The following CAST variants were observed in gnomAD, a reference collection of about 807,000 sequenced individuals.
CAST encodes the protein MIR583 host.
Under a neutral mutation model 119.6 loss-of-function variants are expected in CAST, and 76 were observed. The observed-to-expected ratio is 0.64, with a 90% CI of 0.53 to 0.77. The LOEUF (loss-of-function observed/expected upper bound fraction) is 0.77. CAST is among the 30% of genes least tolerant of loss of function. The probability of loss-of-function intolerance (pLI) is 0.00; values close to 1 mark genes in which losing one functional copy is unlikely to be tolerated. For synonymous variants in CAST, 319 were observed against 331.6 expected, an observed-to-expected ratio of 0.96 and a Z score of 0.41; for missense variants, 953 against 946.5, an observed-to-expected ratio of 1.01 and a Z score of -0.09.
the CAST span, among the ~76,000 whole-genome samples, chr5:96,042,420 T>C: frequency 6.6e-6 from 1 of 152,204 alleles, no homozygotes; most frequent in Admixed American, 6.5e-5. Flanking sequence ...AGAATATCAA[T>C]TGATTTTCAG....
chr5:96,614,498 G>A (rs1315767400), intron 1 of CAST, among the ~76,000 whole-genome samples: 1 of 152,178 alleles, frequency 6.6e-6, no homozygotes, highest in Admixed American at 6.5e-5. Flanking sequence ...TCATCACAGT[G>A]AGTTCAATTT....
intron 2 of CAST, chr5:96,675,840 C>T (rs920707656): frequency 3.0e-5 from 12 of 399,706 alleles, no homozygotes; most frequent in Non-Finnish European, 5.3e-5. Flanking sequence ...AACTTTGTTG[C>T]TTAGGGTGTT....
chr5:96,565,010 T>A (rs1327575387), intron 1 of CAST, among the ~76,000 whole-genome samples: 3 of 151,984 alleles, frequency 2.0e-5, no homozygotes, highest in African/African-American at 4.8e-5. Context: ...ACTTTTTTAA[T>A]TAAAATTCTA....
the CAST span, chr5:96,433,096 GAT>G: frequency 6.4e-7 from 1 of 1,557,916 alleles, no homozygotes; most frequent in Non-Finnish European, 8.9e-7. Context: ...AAAGAAGCAA[GAT>G]AGGAGAAAAG....
the CAST span, among the ~76,000 whole-genome samples, chr5:96,163,463 T>C: frequency 1.3e-5 from 2 of 152,242 alleles, no homozygotes; most frequent in African/African-American, 2.4e-5. Flanking sequence ...AATACCATAA[T>C]AAATATCTTT....
intron 2 of CAST, among the ~76,000 whole-genome samples, chr5:96,694,988 G>T (rs1018608590): frequency 6.6e-5 from 10 of 152,142 alleles, no homozygotes; most frequent in Admixed American, 2.0e-4. Context: ...TCTAGGACAT[G>T]ATTTTTAATA....
chr5:96,245,121 T>C, the CAST span, among the ~76,000 whole-genome samples: 1 of 152,236 alleles, frequency 6.6e-6, no homozygotes, highest in Non-Finnish European at 1.5e-5. Context: ...CATACATTCA[T>C]ACTATGACAT....
At chr5:96,467,686 C>CTG in the CAST span, among the ~76,000 whole-genome samples, 1 of 150,498 alleles carries the variant, frequency 6.6e-6, no homozygotes, top group Non-Finnish European at 1.5e-5. Context: ...TCTGTGTGCC[C>CTG]TTACTCAAGT....
chr5:96,005,205 G>C, the CAST span, among the ~76,000 whole-genome samples: 1 of 152,308 alleles, frequency 6.6e-6, no homozygotes, highest in East Asian at 1.9e-4. Context: ...ACTCAAGAAA[G>C]ATGAAGCCCC....
the CAST span, among the ~76,000 whole-genome samples, chr5:96,127,126 G>A: frequency 6.6e-6 from 1 of 152,098 alleles, no homozygotes; most frequent in Admixed American, 6.6e-5. Flanking sequence ...TCAAGTTACA[G>A]ATCAAGGTGA....
At chr5:96,594,737 C>T (rs982376393) in intron 1 of CAST, among the ~76,000 whole-genome samples, 21 of 152,036 alleles carry the variant, frequency 1.4e-4, no homozygotes, top group African/African-American at 3.6e-4. Context: ...ATGATATCAC[C>T]GGCTATGATA....
At chr5:96,390,227 C>T in the CAST span, among the ~76,000 whole-genome samples, 1 of 152,172 alleles carries the variant, frequency 6.6e-6, no homozygotes, top group Non-Finnish European at 1.5e-5. Flanking sequence ...TAAATTGACT[C>T]CAAGAAAGCC....
the CAST span, among the ~76,000 whole-genome samples, chr5:96,516,460 A>G: frequency 6.6e-6 from 1 of 152,222 alleles, no homozygotes; most frequent in East Asian, 1.9e-4. Context: ...ATGTTGATGC[A>G]TCTTTTGACA....
chr5:96,515,284 C>T, the CAST span, among the ~76,000 whole-genome samples: 1 of 52,384 alleles, frequency 1.9e-5, no homozygotes, highest in African/African-American at 6.6e-5. Context: ...TATTGGGGAA[C>T]AATATTGTTC....
At chr5:96,663,222 A>T in intron 1 of CAST, 1 of 702,368 alleles carries the variant, frequency 1.4e-6, no homozygotes, top group Non-Finnish European at 2.6e-6. Context: ...GTTGGAAGGG[A>T]GTGTGTTTGC....
At chr5:96,409,177 C>T in the CAST span, among the ~76,000 whole-genome samples, 4 of 152,184 alleles carry the variant, frequency 2.6e-5, no homozygotes, top group South Asian at 6.2e-4. Flanking sequence ...TCCTGTCTGC[C>T]TTAAGGACCA....
the CAST span, among the ~76,000 whole-genome samples, chr5:96,508,917 T>A: frequency 5.9e-5 from 9 of 152,336 alleles, no homozygotes; most frequent in African/African-American, 1.9e-4. Flanking sequence ...GCTTATCCAA[T>A]CTATGTCTCA....
At chr5:96,273,543 G>A in the CAST span, among the ~76,000 whole-genome samples, 4 of 152,158 alleles carry the variant, frequency 2.6e-5, no homozygotes, top group African/African-American at 9.7e-5. Context: ...GTATATAGAA[G>A]TATTGGCTTT....
intron 3 of CAST, among the ~76,000 whole-genome samples, chr5:96,703,777 G>GT (rs1465138037): frequency 6.6e-6 from 1 of 152,162 alleles, no homozygotes; most frequent in East Asian, 1.9e-4. Flanking sequence ...TGTTTCACAT[G>GT]TTTTTCAGAG....
Sources: gnomAD v4.1 joint callset for allele counts (sites outside exome capture counted in the v4.1 genomes callset) on GRCh38, gnomAD v4.1.1 for gene constraint, MANE v1.5 for transcripts, NCBI Gene and HGNC (gene_info 2026-07-23, HGNC 2026-07-21) for gene names.